EEFSEC: variants seen among roughly 807,000 people sequenced by gnomAD.
The protein encoded by EEFSEC is eukaryotic elongation factor, selenocysteine-tRNA specific.
In EEFSEC, 43 loss-of-function variants were observed where a neutral mutation model predicts 42.1. That is an observed-to-expected ratio of 1.02 (90% CI 0.80 to 1.32). EEFSEC has a LOEUF of 1.32. Among genes scored for constraint, EEFSEC ranks in the 40% most tolerant of loss-of-function variants. The probability of loss-of-function intolerance (pLI) is 0.00; values close to 1 mark genes in which losing one functional copy is unlikely to be tolerated. For missense variants in EEFSEC, 745 were observed against 803.6 expected (o/e 0.93, Z 0.88); for synonymous variants, 354 against 339.1 (o/e 1.04, Z -0.48).
chr3:128,186,296 A>G (rs529765280), intron 1 of EEFSEC, among the ~76,000 whole-genome samples: 1 of 152,236 alleles, frequency 6.6e-6, no homozygotes, highest in Non-Finnish European at 1.5e-5. Flanking sequence ...TTGTTGACTC[A>G]TAAGAGTTTT....
chr3:128,196,552 AT>A (rs1461888830), intron 1 of EEFSEC, among the ~76,000 whole-genome samples: 2 of 152,026 alleles, frequency 1.3e-5, no homozygotes, highest in Non-Finnish European at 2.9e-5. Flanking sequence ...ATTTCATGTA[AT>A]TTTTTTTGGC....
At chr3:128,240,823 A>G (rs2066062307) in intron 1 of EEFSEC, among the ~76,000 whole-genome samples, 1 of 152,168 alleles carries the variant, frequency 6.6e-6, no homozygotes, top group African/African-American at 2.4e-5. Context: ...TCTTGCCCCT[A>G]GTTGGGTGGC....
At chr3:128,417,941 G>A in the EEFSEC span, among the ~76,000 whole-genome samples, 17 of 151,902 alleles carry the variant, frequency 1.1e-4, no homozygotes, top group Admixed American at 2.6e-4. This position sits in a 1 kb window ranked among gnomAD's most constrained non-coding sequence, Gnocchi z 4.3. Context: ...GCCAGGACCC[G>A]GGGGCCTTCC....
At chr3:128,371,630 T>G (rs1443728233) in intron 6 of EEFSEC, among the ~76,000 whole-genome samples, 1 of 152,002 alleles carries the variant, frequency 6.6e-6, no homozygotes, top group Non-Finnish European at 1.5e-5. Context: ...GGCTGGACAG[T>G]GGGCACATGG....
At chr3:128,223,220 C>T (rs2065877717) in intron 1 of EEFSEC, among the ~76,000 whole-genome samples, 1 of 152,178 alleles carries the variant, frequency 6.6e-6, no homozygotes, top group African/African-American at 2.4e-5. Context: ...GAGAGGGCAC[C>T]AAAGCTCTGA....
intron 5 of EEFSEC, among the ~76,000 whole-genome samples, chr3:128,355,225 T>C (rs555153122): frequency 1.4e-4 from 21 of 152,226 alleles, no homozygotes; most frequent in Admixed American, 5.2e-4. Context: ...GGGAGACAGA[T>C]AGGTCAGCTG....
At chr3:128,238,733 G>A (rs897547130) in intron 1 of EEFSEC, among the ~76,000 whole-genome samples, 1 of 152,172 alleles carries the variant, frequency 6.6e-6, no homozygotes, top group African/African-American at 2.4e-5. Context: ...CAGGCAATCT[G>A]CCCACTTCAG....
At chr3:128,342,950 C>T (rs2067272217) in intron 5 of EEFSEC, among the ~76,000 whole-genome samples, 1 of 152,268 alleles carries the variant, frequency 6.6e-6, no homozygotes, top group African/African-American at 2.4e-5. Flanking sequence ...AAGGCTAGCT[C>T]CCTGGCTGTG....
At chr3:128,180,001 A>G (rs2065388738) in intron 1 of EEFSEC, among the ~76,000 whole-genome samples, 1 of 152,206 alleles carries the variant, frequency 6.6e-6, no homozygotes, top group Non-Finnish European at 1.5e-5. Context: ...TTTAACCACT[A>G]AAACACAGAG....
chr3:128,220,495 C>G (rs1576555265), intron 1 of EEFSEC, among the ~76,000 whole-genome samples: 1 of 152,278 alleles, frequency 6.6e-6, no homozygotes, highest in Middle Eastern at 3.4e-3. Context: ...ACAACATACT[C>G]TCAGAGGTGC....
chr3:128,355,759 G>C (rs1209171364), intron 5 of EEFSEC, among the ~76,000 whole-genome samples: 1 of 152,260 alleles, frequency 6.6e-6, no homozygotes, highest in Non-Finnish European at 1.5e-5. Context: ...AGCTATGGAG[G>C]AGAGGAACAT....
chr3:128,420,331 T>C, the EEFSEC span, among the ~76,000 whole-genome samples: 1 of 152,234 alleles, frequency 6.6e-6, no homozygotes, highest in Admixed American at 6.5e-5. Context: ...AAAGATTAAT[T>C]TGCAATTTCC....
intron 6 of EEFSEC, among the ~76,000 whole-genome samples, chr3:128,404,496 C>G (rs1359127102): frequency 2.0e-5 from 3 of 152,266 alleles, no homozygotes; most frequent in Non-Finnish European, 4.4e-5. Flanking sequence ...GCCTTCTCAG[C>G]CTCCAGACCT....
the EEFSEC span, among the ~76,000 whole-genome samples, chr3:128,423,675 G>A: frequency 4.5e-4 from 68 of 152,290 alleles, no homozygotes; most frequent in Admixed American, 1.4e-3. Context: ...GCCTGGGGGA[G>A]CAGGAAGTGG....
the EEFSEC span, among the ~76,000 whole-genome samples, chr3:128,418,374 C>G: frequency 6.8e-6 from 1 of 148,110 alleles, no homozygotes; most frequent in African/African-American, 2.6e-5. Flanking sequence ...CTCCTCTGTG[C>G]TCCCAACAGC....
intron 4 of EEFSEC, among the ~76,000 whole-genome samples, chr3:128,318,203 G>C (rs2066969118): frequency 6.6e-6 from 1 of 152,356 alleles, no homozygotes; most frequent in South Asian, 2.1e-4. Flanking sequence ...AGGCAAGGGG[G>C]GTTAGAAAGG....
intron 1 of EEFSEC, among the ~76,000 whole-genome samples, chr3:128,235,044 CT>C (rs2107873581): frequency 6.6e-6 from 1 of 152,202 alleles, no homozygotes; most frequent in East Asian, 1.9e-4. Context: ...TGAAGCTTTA[CT>C]TTTACTTACT....
intron 1 of EEFSEC, among the ~76,000 whole-genome samples, chr3:128,224,400 G>A (rs1446171218): frequency 6.6e-6 from 1 of 152,146 alleles, no homozygotes; most frequent in Non-Finnish European, 1.5e-5. Context: ...GGTTCCTGTG[G>A]TCACCCTTGG....
intron 6 of EEFSEC, among the ~76,000 whole-genome samples, chr3:128,373,862 T>C (rs546473188): frequency 7.9e-5 from 12 of 152,308 alleles, no homozygotes; most frequent in Admixed American, 7.2e-4. Context: ...AGCTTAAAAA[T>C]CTGGGGAAAA....
Sources: allele counts gnomAD v4.1 joint callset (sites outside exome capture counted in the v4.1 genomes callset), GRCh38; gene constraint gnomAD v4.1.1; non-coding constraint Gnocchi (gnomAD v3.1); transcripts MANE v1.5; gene names NCBI Gene and HGNC (gene_info 2026-07-23, HGNC 2026-07-21).